Variants in SLC24A2 observed in about 807,000 individuals in gnomAD.
SLC24A2 encodes the protein sodium/potassium/calcium exchanger 2.
SLC24A2 carries 36 observed loss-of-function variants against 62.0 expected under a neutral mutation model. The ratio of observed to expected loss-of-function variants is 0.58; its 90% CI spans 0.44 to 0.77. The LOEUF (loss-of-function observed/expected upper bound fraction) is 0.77. Ranked by LOEUF, SLC24A2 falls within the 30% of genes least tolerant of loss-of-function variation. The probability of loss-of-function intolerance (pLI) is 0.00; values close to 1 mark genes in which losing one functional copy is unlikely to be tolerated. For missense variants in SLC24A2, 846 were observed against 817.9 expected, an observed-to-expected ratio of 1.03 and a Z score of -0.42; for synonymous variants, 358 against 294.0, an observed-to-expected ratio of 1.22 and a Z score of -2.23.
the SLC24A2 span, among the ~76,000 whole-genome samples, chr9:20,024,432 G>GGCCT: frequency 6.6e-6 from 1 of 152,152 alleles, no homozygotes; most frequent in Non-Finnish European, 1.5e-5. Flanking sequence ...CACAGGAATT[G>GGCCT]GCCTTCCTGG....
chr9:19,717,648 T>C (rs1820897133), intron 2 of SLC24A2, among the ~76,000 whole-genome samples: 1 of 152,178 alleles, frequency 6.6e-6, no homozygotes, highest in Non-Finnish European at 1.5e-5. Context: ...AACAATAAAG[T>C]TACATAGCAT....
chr9:19,799,039 G>T, the SLC24A2 span, among the ~76,000 whole-genome samples: 1 of 152,002 alleles, frequency 6.6e-6, no homozygotes, highest in Non-Finnish European at 1.5e-5. Flanking sequence ...TTCAAAGAAA[G>T]CTTCTACACT....
At chr9:19,557,773 A>T in intron 7 of SLC24A2, among the ~76,000 whole-genome samples, 1 of 148,988 alleles carries the variant, frequency 6.7e-6, no homozygotes, top group African/African-American at 2.5e-5. Context: ...TATTTTCTTG[A>T]GCCTAAAACT....
chr9:19,878,078 G>A, the SLC24A2 span, among the ~76,000 whole-genome samples: 10,629 of 152,182 alleles, frequency 0.07, 491 homozygotes, highest in African/African-American at 0.13. Flanking sequence ...TTTTGGGCTC[G>A]ATAGATCCAG....
chr9:19,911,010 G>C, the SLC24A2 span, among the ~76,000 whole-genome samples: 1 of 151,046 alleles, frequency 6.6e-6, no homozygotes, highest in Non-Finnish European at 1.5e-5. Context: ...CTGGTGTGCT[G>C]CACCCATTAA....
intron 10 of SLC24A2, among the ~76,000 whole-genome samples, chr9:19,519,422 T>C (rs559753015): frequency 6.6e-6 from 1 of 152,208 alleles, no homozygotes; most frequent in Non-Finnish European, 1.5e-5. Flanking sequence ...TTTGTAATTC[T>C]TCATAATATA....
At chr9:20,093,460 A>T in the SLC24A2 span, among the ~76,000 whole-genome samples, 1 of 152,090 alleles carries the variant, frequency 6.6e-6, no homozygotes, top group African/African-American at 2.4e-5. Context: ...AAAATAGTAT[A>T]TACATGAGTT....
At chr9:20,007,879 CTTTTTTTTTTTTTTTTTTTTTTTTTTT>C in the SLC24A2 span, among the ~76,000 whole-genome samples, 1 of 39,510 alleles carries the variant, frequency 2.5e-5, no homozygotes, top group East Asian at 7.4e-4. Context: ...TTACTCCTCT[CTTTTTTTTTTTTTTTTTTTTTTTTTTT>C]TTTTTTTTTG....
rs1173716203 is a variant in SLC24A2, at chr9:19,599,568, CA to C, written c.1079-2290del. Among the ~76,000 whole-genome samples the C allele has an allele frequency of 6.6e-6, 1 of 152,166 alleles. No homozygotes were observed. Among genetic ancestry groups the C allele is most frequent in the Non-Finnish European group, 1.5e-5 (1 of 68,018 alleles). On this transcript the variant is annotated intron_variant, in intron 4 of 10. Transcript: ENST00000341998. The surrounding 1 kb of genome is among the most constrained non-coding windows in gnomAD (Gnocchi z 4.5). ...CAGCCTGCTAGAATACGGTCTTTAG[CA>C]CTAACAGCAACAGGATGGTGAGATG... is the stretch of plus-strand genomic sequence containing the variant.
chr9:20,065,457 G>A, the SLC24A2 span, among the ~76,000 whole-genome samples: 9 of 152,158 alleles, frequency 5.9e-5, no homozygotes, highest in Non-Finnish European at 1.0e-4. Flanking sequence ...ACAGAGGAAT[G>A]GAGAGAGAAA....
chr9:20,055,563 C>T, the SLC24A2 span, among the ~76,000 whole-genome samples: 10 of 152,030 alleles, frequency 6.6e-5, no homozygotes, highest in African/African-American at 2.4e-4. Flanking sequence ...CATGGTCACA[C>T]ACTTTTAAGG....
the SLC24A2 span, among the ~76,000 whole-genome samples, chr9:20,277,110 A>T: frequency 2.0e-5 from 3 of 152,154 alleles, no homozygotes; most frequent in Non-Finnish European, 4.4e-5. Context: ...CTCCTCAGAA[A>T]ATGGGGTTTT....
upstream of SLC24A2, among the ~76,000 whole-genome samples, chr9:19,793,814 C>T: frequency 6.6e-6 from 1 of 152,126 alleles, no homozygotes; most frequent in Admixed American, 6.5e-5. Context: ...ATACTTAGAA[C>T]CTATAGATTT....
At chr9:20,126,110 G>T in the SLC24A2 span, among the ~76,000 whole-genome samples, 1 of 152,244 alleles carries the variant, frequency 6.6e-6, no homozygotes, top group Non-Finnish European at 1.5e-5. Context: ...TGTCAAATTG[G>T]TATCCTTGCA....
At chr9:19,829,122 T>C in the SLC24A2 span, among the ~76,000 whole-genome samples, 1 of 152,214 alleles carries the variant, frequency 6.6e-6, no homozygotes, top group Non-Finnish European at 1.5e-5. Flanking sequence ...ATTCCCATCA[T>C]GGAGACAATA....
rs1835564894 is a variant in SLC24A2 at position 19,564,439 on chromosome 9, T to A, written c.1347+8912A>T. On this transcript the variant is annotated intron_variant, in intron 7 of 10. Coordinates refer to ENST00000341998, the MANE Select transcript of SLC24A2 (RefSeq NM_020344.4). The stretch of plus-strand genomic sequence containing the variant: ...TCCTAAGAAGAGAAAGAGCTTAATA[T>A]GGCAAGGTAATATTTGAATTGTAAA... Among the ~76,000 whole-genome samples, 6 of 152,334 alleles carry A rather than the reference T, an allele frequency of 3.9e-5. No individual in the cohort carries two copies. The South Asian group carries it at 1.2e-3, about 32-fold the overall frequency.
At chr9:19,623,722 A>C (rs1817965219) in intron 2 of SLC24A2, among the ~76,000 whole-genome samples, 1 of 152,220 alleles carries the variant, frequency 6.6e-6, no homozygotes. Flanking sequence ...ATTCAATTAG[A>C]CATTTAATAA....
At chr9:20,232,683 C>T in the SLC24A2 span, among the ~76,000 whole-genome samples, 1 of 152,104 alleles carries the variant, frequency 6.6e-6, no homozygotes, top group Non-Finnish European at 1.5e-5. Context: ...TTTCAAAAAA[C>T]CAGCTCCTGG....
At chr9:20,259,447 A>T in the SLC24A2 span, among the ~76,000 whole-genome samples, 1 of 152,158 alleles carries the variant, frequency 6.6e-6, no homozygotes, top group Admixed American at 6.5e-5. Context: ...AACCAAAAAA[A>T]AATTAGTTTG....
Sources: gnomAD v4.1 joint callset for allele counts (sites outside exome capture counted in the v4.1 genomes callset) on GRCh38, gnomAD v4.1.1 for gene constraint, Gnocchi (gnomAD v3.1) non-coding constraint, MANE v1.5 for transcripts, NCBI Gene and HGNC (gene_info 2026-07-23, HGNC 2026-07-21) for gene names.